GLIS3: variants seen among roughly 807,000 people sequenced by gnomAD.
GLIS3 encodes the protein GLIS family zinc finger 3.
Under a neutral mutation model 78.6 loss-of-function variants are expected in GLIS3, and 53 were observed. The ratio of observed to expected loss-of-function variants is 0.67; its 90% CI spans 0.54 to 0.85. The LOEUF is 0.85. Among genes scored for constraint, GLIS3 ranks in the 40% least tolerant of loss-of-function variants. GLIS3 has a pLI of 0.00. For synonymous variants in GLIS3, 684 were observed against 509.9 expected, an observed-to-expected ratio of 1.34 and a Z score of -4.60; for missense variants, 1,703 against 1,231.1, an observed-to-expected ratio of 1.38 and a Z score of -5.74.
At chr9:4,160,436 C>G (rs1232673891) in intron 2 of GLIS3, among the ~76,000 whole-genome samples, 1 of 152,222 alleles carries the variant, frequency 6.6e-6, no homozygotes, top group African/African-American at 2.4e-5. Context: ...CTTATTTTGT[C>G]AGAAAGTACA....
chr9:3,860,345 A>G (rs555168809), intron 8 of GLIS3, among the ~76,000 whole-genome samples: 1 of 149,032 alleles, frequency 6.7e-6, no homozygotes. Flanking sequence ...TTCTGCAAAT[A>G]TGTATCTCCA....
chr9:4,331,341 G>A (rs1440585182), intron 2 of GLIS3, among the ~76,000 whole-genome samples: 2 of 151,928 alleles, frequency 1.3e-5, no homozygotes, highest in Non-Finnish European at 2.9e-5. Flanking sequence ...TTGGTTTTAG[G>A]GCACACTTTT....
the GLIS3 span, among the ~76,000 whole-genome samples, chr9:4,361,785 T>A: frequency 1.3e-5 from 2 of 152,226 alleles, no homozygotes; most frequent in African/African-American, 4.8e-5. Flanking sequence ...GATCATTTTA[T>A]TACATCTTAA....
At chr9:4,315,130 A>C (rs1035841105) in intron 2 of GLIS3, among the ~76,000 whole-genome samples, 2 of 152,212 alleles carry the variant, frequency 1.3e-5, no homozygotes, top group Non-Finnish European at 2.9e-5. Context: ...AAGAGAAGAG[A>C]AAGAGTCTAA....
intron 4 of GLIS3, among the ~76,000 whole-genome samples, chr9:4,030,733 C>A (rs758972993): frequency 6.6e-6 from 1 of 152,176 alleles, no homozygotes; most frequent in Non-Finnish European, 1.5e-5. Flanking sequence ...CTCTTGATGG[C>A]ATGACTGGAA....
At chr9:4,048,058 A>G (rs1307653159) in intron 4 of GLIS3, among the ~76,000 whole-genome samples, 2 of 152,136 alleles carry the variant, frequency 1.3e-5, no homozygotes, top group Non-Finnish European at 2.9e-5. Context: ...GTGTTCTCCA[A>G]TTGAACCCAT....
intron 4 of GLIS3, among the ~76,000 whole-genome samples, chr9:3,949,081 T>G (rs2130835646): frequency 6.6e-6 from 1 of 152,296 alleles, no homozygotes; most frequent in South Asian, 2.1e-4. Context: ...TAACCAAGTA[T>G]TCCCTCCGTG....
chr9:4,028,967 A>T (rs1371882229), intron 4 of GLIS3, among the ~76,000 whole-genome samples: 1 of 152,156 alleles, frequency 6.6e-6, no homozygotes, highest in Non-Finnish European at 1.5e-5. Context: ...AAGATACATT[A>T]TATGTGCTGT....
the GLIS3 span, among the ~76,000 whole-genome samples, chr9:4,396,544 A>C: frequency 6.6e-6 from 1 of 152,152 alleles, no homozygotes; most frequent in South Asian, 2.1e-4. Context: ...TTAGTGACAA[A>C]ATTTCTAGTT....
At chr9:4,175,587 T>A (rs1245634220) in intron 2 of GLIS3, among the ~76,000 whole-genome samples, 3 of 152,190 alleles carry the variant, frequency 2.0e-5, no homozygotes, top group African/African-American at 7.2e-5. Flanking sequence ...CTGCCATTCG[T>A]TACTCTCCTG....
chr9:4,167,567 C>CTTG, intron 2 of GLIS3, among the ~76,000 whole-genome samples: 1 of 152,184 alleles, frequency 6.6e-6, no homozygotes, highest in East Asian at 1.9e-4. Context: ...ACAACAGGTG[C>CTTG]CCAATATATG....
chr9:3,861,507 T>C (rs1022057205), intron 8 of GLIS3, among the ~76,000 whole-genome samples: 4 of 147,206 alleles, frequency 2.7e-5, no homozygotes, highest in African/African-American at 1.0e-4. Flanking sequence ...TGCAGCACTA[T>C]TCACAATAGC....
Position 4,336,130 on chromosome 9 carries a change from G to A in GLIS3, n.264+10951C>T, listed in dbSNP as rs538031351. 1.2e-3 allele frequency among the ~76,000 whole-genome samples: 180 copies of A among 152,186 alleles called. 1 individual carries two copies. The highest frequency in any genetic ancestry group is 2.2e-3 in the Non-Finnish European group (147 of 68,036). ...ATGATATTAAAGTAGGGTCACAATA[G>A]CAGTAGAAAGCAATAGTTCTCTGGC... On this transcript the variant is annotated intron_variant and non_coding_transcript_variant, in intron 2 of 4. Transcript: ENST00000471664.
At chr9:4,220,921 G>T (rs1053161040) in intron 2 of GLIS3, among the ~76,000 whole-genome samples, 1 of 152,078 alleles carries the variant, frequency 6.6e-6, no homozygotes, top group African/African-American at 2.4e-5. Flanking sequence ...GGAGGTGGAG[G>T]TTGCAGTGAG....
intron 4 of GLIS3, among the ~76,000 whole-genome samples, chr9:4,047,373 A>T (rs1472626847): frequency 6.6e-6 from 1 of 152,186 alleles, no homozygotes; most frequent in African/African-American, 2.4e-5. Flanking sequence ...AAAACGGACT[A>T]ATACAATTGG....
chr9:4,242,056 A>G (rs1436454195), intron 2 of GLIS3, among the ~76,000 whole-genome samples: 1 of 152,202 alleles, frequency 6.6e-6, no homozygotes, highest in Non-Finnish European at 1.5e-5. Context: ...AAATTATGCC[A>G]TATTTATCCT....
chr9:4,416,416 T>C, the GLIS3 span, among the ~76,000 whole-genome samples: 1 of 152,134 alleles, frequency 6.6e-6, no homozygotes, highest in Non-Finnish European at 1.5e-5. Context: ...GTAATATTGC[T>C]ATGTAGTACA....
intron 6 of GLIS3, among the ~76,000 whole-genome samples, chr9:3,917,110 C>G (rs568200569): frequency 1.3e-5 from 2 of 152,122 alleles, no homozygotes; most frequent in African/African-American, 4.8e-5. Context: ...CAAAAATGCA[C>G]GTAAATGCAG....
chr9:4,312,817 T>C (rs1817385274), intron 2 of GLIS3, among the ~76,000 whole-genome samples: 1 of 152,200 alleles, frequency 6.6e-6, no homozygotes, highest in Admixed American at 6.5e-5. Context: ...TCTCTGCTCC[T>C]CAGTTTACTC....
Sources: allele counts gnomAD v4.1 joint callset (sites outside exome capture counted in the v4.1 genomes callset), GRCh38; gene constraint gnomAD v4.1.1; transcripts MANE v1.5; gene names NCBI Gene and HGNC (gene_info 2026-07-23, HGNC 2026-07-21).